The following MTMR12 variants were observed in gnomAD, a reference collection of about 807,000 sequenced individuals.
The protein encoded by MTMR12 is myotubularin-related protein 12.
A neutral mutation model predicts 96.7 loss-of-function variants in MTMR12; 33 were observed. The observed-to-expected ratio is 0.34, with a 90% confidence interval of 0.26 to 0.46. The LOEUF (loss-of-function observed/expected upper bound fraction) is 0.46. MTMR12 is among the 20% of genes least tolerant of loss of function. The pLI, the probability that MTMR12 is intolerant of heterozygous loss-of-function variation, is 1.00. For synonymous variants in MTMR12, 298 were observed against 327.2 expected (o/e 0.91, Z 0.96); for missense variants, 721 against 896.1 (o/e 0.80, Z 2.49).
At chr5:32,308,136 A>G (rs1751428103) in intron 1 of MTMR12, among the ~76,000 whole-genome samples, 1 of 152,172 alleles carries the variant, frequency 6.6e-6, no homozygotes, top group South Asian at 2.1e-4. Flanking sequence ...AGCCTGGCCA[A>G]TATGGTGAAA....
intron 7 of MTMR12, among the ~76,000 whole-genome samples, chr5:32,260,313 T>C (rs915123076): frequency 2.0e-5 from 3 of 151,122 alleles, no homozygotes; most frequent in African/African-American, 7.3e-5. Flanking sequence ...GCATGTGGAG[T>C]AGCCTGCTTG....
chr5:32,259,225 C>T (rs1031703661), intron 7 of MTMR12, among the ~76,000 whole-genome samples: 3 of 152,228 alleles, frequency 2.0e-5, no homozygotes, highest in African/African-American at 7.2e-5. Context: ...TCAGGCACAA[C>T]CTCCCAGAAC....
Position 32,312,636 on chromosome 5 carries a change from C to A in MTMR12, c.81+122G>T. The A allele has an allele frequency of 4.3e-6, 4 of 931,250 alleles. No homozygotes were observed. Among genetic ancestry groups the A allele is most frequent in the Non-Finnish European group, 5.5e-6 (4 of 724,478 alleles). 57.7% of individuals were successfully genotyped at this position (931,250 alleles called of 1,614,324 possible). A position where few individuals can be genotyped will look rare whatever the true frequency, so the allele number is the denominator to read the frequency against. On this transcript the variant is annotated intron_variant, in intron 1 of 15. Transcript: ENST00000382142. This position sits in a 1 kb window ranked among gnomAD's most constrained non-coding sequence, Gnocchi z 5.0. The stretch of plus-strand genomic sequence containing the variant: ...TGCGGCCTCAGCCCGCCTGGCTGCC[C>A]CGTCGCCCGGCACAAGGGCAGGAAG...
At chr5:32,267,105 G>A (rs529304594) in intron 6 of MTMR12, among the ~76,000 whole-genome samples, 2 of 150,684 alleles carry the variant, frequency 1.3e-5, no homozygotes, top group Admixed American at 6.6e-5. Context: ...AGTAACGGAC[G>A]GGCCCTTGAA....
chr5:32,297,563 T>G (rs1376456467), intron 1 of MTMR12, among the ~76,000 whole-genome samples: 1 of 152,042 alleles, frequency 6.6e-6, no homozygotes, highest in African/African-American at 2.4e-5. Flanking sequence ...TTTTTTTTTT[T>G]TTTTGAAGGA....
intron 2 of MTMR12, among the ~76,000 whole-genome samples, chr5:32,275,348 C>CA (rs1561784877): frequency 6.6e-6 from 1 of 152,148 alleles, no homozygotes; most frequent in Non-Finnish European, 1.5e-5. Context: ...GTGTCTCTGC[C>CA]AAGTCCATGG....
chr5:32,298,813 C>T (rs1488092767), intron 1 of MTMR12, among the ~76,000 whole-genome samples: 5 of 151,684 alleles, frequency 3.3e-5, no homozygotes, highest in South Asian at 4.2e-4. Context: ...ATTAGCTGGG[C>T]GTGGTGGCAG....
intron 1 of MTMR12, among the ~76,000 whole-genome samples, chr5:32,283,720 C>T (rs1261886217): frequency 2.6e-5 from 4 of 152,160 alleles, no homozygotes; most frequent in Admixed American, 6.5e-5. Flanking sequence ...GGGAAAGCCT[C>T]GAATGAGAGT....
chr5:32,292,882 T>C (rs937583163), intron 1 of MTMR12, among the ~76,000 whole-genome samples: 4 of 152,252 alleles, frequency 2.6e-5, no homozygotes, highest in African/African-American at 9.6e-5. Flanking sequence ...ATGAGAACTG[T>C]AATTGTCATG....
intron 8 of MTMR12, among the ~76,000 whole-genome samples, chr5:32,254,045 C>T (rs376505969): frequency 2.6e-5 from 4 of 152,206 alleles, no homozygotes; most frequent in Admixed American, 6.5e-5. Context: ...TCATATACTG[C>T]AGGGATGGAG....
At chr5:32,302,747 G>A (rs1164083067) in intron 1 of MTMR12, among the ~76,000 whole-genome samples, 1 of 150,840 alleles carries the variant, frequency 6.6e-6, no homozygotes, top group African/African-American at 2.5e-5. Flanking sequence ...AATTAGGGAA[G>A]AGGGAAGAAA....
intron 2 of MTMR12, among the ~76,000 whole-genome samples, 160 bp downstream of exon 2, chr5:32,276,522 T>C (rs906455356): frequency 6.6e-6 from 1 of 152,252 alleles, no homozygotes; most frequent in African/African-American, 2.4e-5. Flanking sequence ...CCCAGGTGTG[T>C]AGTTATTGAA....
At chr5:32,271,279 T>A (rs543542964) in intron 4 of MTMR12, among the ~76,000 whole-genome samples, 1 of 152,318 alleles carries the variant, frequency 6.6e-6, no homozygotes, top group Admixed American at 6.5e-5. Context: ...AGAGACATGC[T>A]TTCATGACAG....
At position 32,228,748 on chromosome 5, in the gene MTMR12, T is replaced by C. The variant is rs868084196; in HGVS notation, c.*1030A>G. The C allele has an allele frequency of 4.0e-5, 6 of 151,452 alleles. No homozygotes were observed. The highest frequency in any genetic ancestry group is 6.4e-3 in the Middle Eastern group (2 of 312). The allele number at this position is 151,452 out of a possible 1,614,324, so 9.4% of individuals were successfully genotyped here. On this transcript the variant is annotated 3_prime_UTR_variant, in exon 16 of 16. Coordinates refer to ENST00000382142, the MANE Select transcript of MTMR12 (RefSeq NM_001040446.3). The stretch of plus-strand genomic sequence containing the variant: ...GGTATCATATGATAATCATCACTTC[T>C]GATATTTATGTTTAAGCTGCTTTCC...
At chr5:32,244,367 G>A (rs1200851881) in intron 10 of MTMR12, among the ~76,000 whole-genome samples, 3 of 150,982 alleles carry the variant, frequency 2.0e-5, no homozygotes, top group Admixed American at 6.6e-5. Context: ...AGGTGGGCGC[G>A]TCACCTGAGG....
intron 1 of MTMR12, among the ~76,000 whole-genome samples, chr5:32,278,203 T>G (rs1750134253): frequency 6.6e-6 from 1 of 152,316 alleles, no homozygotes; most frequent in East Asian, 1.9e-4. Flanking sequence ...ATCCAGGAAG[T>G]GTTCTTGCCA....
At position 32,271,536 on chromosome 5, in the gene MTMR12, A is replaced by G. The variant is rs1749832449; in HGVS notation, c.358+297T>C. ...ACCTTTTTATCAGAGCAGCCTATAAAGTAAAACCTACACAGCTAACTCTGA... is the reference window on the plus strand; with the variant it reads ...ACCTTTTTATCAGAGCAGCCTATAAGGTAAAACCTACACAGCTAACTCTGA... On this transcript the variant is annotated intron_variant, in intron 4 of 15. Coordinates refer to ENST00000382142, the MANE Select transcript of MTMR12 (RefSeq NM_001040446.3). Among the ~76,000 whole-genome samples the G allele has an allele frequency of 2.0e-5, 3 of 152,256 alleles. No homozygotes were observed. In the South Asian group the frequency reaches 6.2e-4, roughly 32 times the overall value.
chr5:32,251,805 A>G (rs1395914900), intron 8 of MTMR12, among the ~76,000 whole-genome samples: 1 of 152,218 alleles, frequency 6.6e-6, no homozygotes, highest in African/African-American at 2.4e-5. Flanking sequence ...CAGATTCTGT[A>G]TGAAGGAAAC....
chr5:32,230,123 C>T lies in MTMR12; in HGVS notation c.1899G>A (p.Gly633=), dbSNP rs1581582548. Residue 633 remains glycine, a synonymous_variant, in exon 16 of 16, where the codon GGG becomes GGA. Transcript: ENST00000382142. ...YHGLLLPHIE[G]PEIKVWAQRY... ...GCTGGGCCCAGACTTTGATTTCGGGCCCCTCGATATGCGGTAACAACAAAC... is the reference window on the plus strand; with the variant it reads ...GCTGGGCCCAGACTTTGATTTCGGGTCCCTCGATATGCGGTAACAACAAAC... 1 of 1,612,358 alleles carries T rather than the reference C, an allele frequency of 6.2e-7. No homozygotes were observed. Among genetic ancestry groups the T allele is most frequent in the African/African-American group, 1.3e-5 (1 of 74,846 alleles).
Sources: allele counts gnomAD v4.1 joint callset (sites outside exome capture counted in the v4.1 genomes callset), GRCh38; gene constraint gnomAD v4.1.1; non-coding constraint Gnocchi (gnomAD v3.1); transcripts MANE v1.5; gene names NCBI Gene and HGNC (gene_info 2026-07-23, HGNC 2026-07-21).